Variants in LRRC4C observed in about 807,000 individuals in gnomAD.
The protein encoded by LRRC4C is leucine-rich repeat-containing protein 4C.
Under a neutral mutation model 33.6 loss-of-function variants are expected in LRRC4C, and 5 were observed. The observed-to-expected ratio is 0.15, with a 90% confidence interval of 0.08 to 0.31. The LOEUF is 0.31. LRRC4C is among the 10% of genes least tolerant of loss of function. The pLI is 1.00. For synonymous variants in LRRC4C, 329 were observed against 302.0 expected, an observed-to-expected ratio of 1.09 and a Z score of -0.93; for missense variants, 560 against 796.7, an observed-to-expected ratio of 0.70 and a Z score of 3.58.
chr11:41,456,733 T>G (rs1956182346), intron 1 of LRRC4C, among the ~76,000 whole-genome samples: 2 of 152,146 alleles, frequency 1.3e-5, no homozygotes, highest in South Asian at 4.1e-4. Flanking sequence ...CCATTTACCT[T>G]TCTTTTCTGA....
intron 5 of LRRC4C, among the ~76,000 whole-genome samples, chr11:40,149,527 A>G (rs998534319): frequency 2.0e-5 from 3 of 152,090 alleles, no homozygotes; most frequent in Non-Finnish European, 4.4e-5. Context: ...ATTTTTATAT[A>G]TTAATTTTGT....
intron 1 of LRRC4C, among the ~76,000 whole-genome samples, chr11:40,990,617 C>G (rs536500418): frequency 5.9e-5 from 9 of 152,128 alleles, no homozygotes; most frequent in Non-Finnish European, 1.3e-4. Flanking sequence ...GATACTAAGA[C>G]ATTCTTTGCC....
intron 1 of LRRC4C, among the ~76,000 whole-genome samples, chr11:41,335,172 C>T (rs984999398): frequency 6.6e-6 from 1 of 152,186 alleles, no homozygotes; most frequent in Non-Finnish European, 1.5e-5. Flanking sequence ...TGATTCCAAA[C>T]ATGTTTATTA....
intron 1 of LRRC4C, among the ~76,000 whole-genome samples, chr11:41,329,374 T>C (rs776192194): frequency 1.3e-5 from 2 of 152,206 alleles, no homozygotes; most frequent in Non-Finnish European, 2.9e-5. Context: ...CAGATGTGCA[T>C]CAAATTTAAT....
intron 3 of LRRC4C, among the ~76,000 whole-genome samples, chr11:40,484,805 C>T (rs1953771614): frequency 6.6e-6 from 1 of 151,958 alleles, no homozygotes; most frequent in South Asian, 2.1e-4. Flanking sequence ...AACAAAAATC[C>T]TGCTAAGAAA....
chr11:41,023,383 G>T (rs1284424247), intron 1 of LRRC4C, among the ~76,000 whole-genome samples: 1 of 151,572 alleles, frequency 6.6e-6, no homozygotes, highest in Non-Finnish European at 1.5e-5. Flanking sequence ...GTATACAAGA[G>T]AAATCCAAGC....
At chr11:40,655,326 T>C (rs1044393588) in intron 2 of LRRC4C, among the ~76,000 whole-genome samples, 1 of 152,236 alleles carries the variant, frequency 6.6e-6, no homozygotes, top group Admixed American at 6.5e-5. Context: ...GCTATTTGAA[T>C]GATCAAGTGC....
intron 3 of LRRC4C, among the ~76,000 whole-genome samples, chr11:40,423,886 T>A (rs1340622461): frequency 6.6e-6 from 1 of 152,240 alleles, no homozygotes. Flanking sequence ...GTATATTTCA[T>A]TAATAATTAT....
At chr11:40,436,060 A>C (rs1397996060) in intron 3 of LRRC4C, among the ~76,000 whole-genome samples, 1 of 152,150 alleles carries the variant, frequency 6.6e-6, no homozygotes, top group Admixed American at 6.5e-5. Flanking sequence ...TTCTTGTTCA[A>C]GCCCTACTAC....
intron 3 of LRRC4C, among the ~76,000 whole-genome samples, chr11:40,631,034 G>C (rs1309738387): frequency 3.3e-5 from 5 of 152,168 alleles, no homozygotes. Flanking sequence ...CCTTTTAAAA[G>C]GAGAGAAAGA....
At chr11:41,161,792 A>G (rs1358479681) in intron 1 of LRRC4C, among the ~76,000 whole-genome samples, 2 of 152,218 alleles carry the variant, frequency 1.3e-5, no homozygotes, top group African/African-American at 4.8e-5. Context: ...TACATGATCA[A>G]CTGACCATTT....
intron 1 of LRRC4C, among the ~76,000 whole-genome samples, chr11:41,329,009 C>T (rs1951210711): frequency 6.6e-6 from 1 of 152,106 alleles, no homozygotes; most frequent in Non-Finnish European, 1.5e-5. Flanking sequence ...TATAATGCCC[C>T]ATTTAATAAG....
intron 2 of LRRC4C, among the ~76,000 whole-genome samples, chr11:40,807,865 A>G (rs1315578659): frequency 6.6e-6 from 1 of 152,194 alleles, no homozygotes; most frequent in Non-Finnish European, 1.5e-5. Context: ...AACAGGACTG[A>G]TAAGCACCTT....
chr11:40,854,245 C>T (rs1352428998), intron 2 of LRRC4C, among the ~76,000 whole-genome samples: 1 of 152,062 alleles, frequency 6.6e-6, no homozygotes, highest in South Asian at 2.1e-4. Flanking sequence ...GTTATGGAAT[C>T]GATTCTAACA....
intron 1 of LRRC4C, among the ~76,000 whole-genome samples, chr11:40,989,787 T>C (rs1041674025): frequency 1.3e-5 from 2 of 152,136 alleles, no homozygotes; most frequent in Middle Eastern, 3.2e-3. Flanking sequence ...TAGCATTTAA[T>C]GTGTTTTAAA....
At chr11:40,317,271 T>G (rs1590294958) in intron 4 of LRRC4C, among the ~76,000 whole-genome samples, 1 of 151,022 alleles carries the variant, frequency 6.6e-6, no homozygotes, top group Non-Finnish European at 1.5e-5. Flanking sequence ...ATTATTGGAT[T>G]TGGCTCTTTC....
chr11:40,663,069 A>G (rs958495517), intron 2 of LRRC4C, among the ~76,000 whole-genome samples: 1 of 152,084 alleles, frequency 6.6e-6, no homozygotes, highest in Non-Finnish European at 1.5e-5. Flanking sequence ...CTTGGATAAG[A>G]TAGATTTATT....
chr11:41,016,537 C>A (rs189349457), intron 1 of LRRC4C, among the ~76,000 whole-genome samples: 95 of 152,300 alleles, frequency 6.2e-4, no homozygotes, highest in African/African-American at 2.2e-3. Context: ...TTATTTGCTA[C>A]AAATGTCTTT....
At chr11:41,215,654 C>T (rs1386831303) in intron 1 of LRRC4C, among the ~76,000 whole-genome samples, 1 of 152,018 alleles carries the variant, frequency 6.6e-6, no homozygotes, top group Non-Finnish European at 1.5e-5. Context: ...TTGTCTCTGG[C>T]TTCTTTCACT....
Sources: gnomAD v4.1 joint callset for allele counts (sites outside exome capture counted in the v4.1 genomes callset) on GRCh38, gnomAD v4.1.1 for gene constraint, MANE v1.5 for transcripts, NCBI Gene and HGNC (gene_info 2026-07-23, HGNC 2026-07-21) for gene names.